The following AMMECR1 variants were observed in gnomAD, a reference collection of about 807,000 sequenced individuals.
AMMECR1 encodes the protein AMMECR nuclear protein 1, also known as nuclear protein AMMECR1.
AMMECR1 carries 3 observed loss-of-function variants against 22.5 expected under a neutral mutation model. The ratio of observed to expected loss-of-function variants is 0.13; its 90% CI spans 0.06 to 0.35. AMMECR1 has a LOEUF of 0.35. AMMECR1 is among the 10% of genes least tolerant of loss of function. The pLI, the probability that AMMECR1 is intolerant of heterozygous loss-of-function variation, is 1.00. For missense variants in AMMECR1, 235 were observed against 278.7 expected (o/e 0.84, Z 1.12); for synonymous variants, 130 against 116.7 (o/e 1.11, Z -0.74).
chrX:110,368,147 T>C (rs1223004467), intron 2 of AMMECR1, among the ~76,000 whole-genome samples: 1 of 109,890 alleles, frequency 9.1e-6, no homozygotes, highest in Non-Finnish European at 1.9e-5. Flanking sequence ...GGCCTAAAAG[T>C]ATATTTAGAA....
At chrX:110,381,555 A>G (rs1019223172) in intron 2 of AMMECR1, among the ~76,000 whole-genome samples, 9 of 112,154 alleles carry the variant, frequency 8.0e-5, no homozygotes, top group Non-Finnish European at 1.5e-4. Flanking sequence ...CATTTGATCC[A>G]GCAGTCCTCT....
At position 110,198,305 on chromosome X, in the gene AMMECR1, C is replaced by T. The variant is rs752104763; in HGVS notation, c.*215G>A. The T allele has an allele frequency of 1.9e-4, 49 of 263,745 alleles. No individual in the cohort carries two copies. Among genetic ancestry groups the T allele is most frequent in the Middle Eastern group, 1.1e-3 (1 of 944 alleles). 21.7% of individuals were successfully genotyped at this position (263,745 alleles called of 1,213,427 possible). ...ATTATATATGCTGCAAAAAAAAAAT[C>T]AACGATCTAAAATAATAAAACAGGA... On this transcript the variant is annotated 3_prime_UTR_variant, in exon 6 of 6. Transcript: ENST00000262844.
intron 1 of AMMECR1, among the ~76,000 whole-genome samples, chrX:110,308,830 T>C (rs1437314565): frequency 9.0e-6 from 1 of 111,123 alleles, no homozygotes; most frequent in East Asian, 2.8e-4. Context: ...TGAGAACACA[T>C]GAATTGTGTT....
chrX:110,344,110 T>C (rs374424185), intron 2 of AMMECR1, among the ~76,000 whole-genome samples: 1 of 111,926 alleles, frequency 8.9e-6, no homozygotes. Flanking sequence ...AAGGCTACAG[T>C]AACCAAAACA....
chrX:110,424,788 T>G lies in AMMECR1; in HGVS notation c.-148+1870A>C, dbSNP rs138762182. Among the ~76,000 whole-genome samples the G allele has an allele frequency of 9.3e-3, 1,046 of 111,914 alleles. 13 individuals carry two copies. Among genetic ancestry groups the G allele is most frequent in the African/African-American group, 0.032 (994 of 30,741 alleles). On this transcript the variant is annotated intron_variant, in intron 2 of 7. Transcript: ENST00000372057. Reference sequence around the variant, plus strand: ...CCTGGGTTAGTGGTGAGAACAAGGATCAAGAAGGCTCTGCCACCAAATAAC... The same window carrying G: ...CCTGGGTTAGTGGTGAGAACAAGGAGCAAGAAGGCTCTGCCACCAAATAAC...
At chrX:110,415,738 A>G (rs900944486) in intron 2 of AMMECR1, among the ~76,000 whole-genome samples, 2 of 111,480 alleles carry the variant, frequency 1.8e-5, no homozygotes, top group African/African-American at 6.5e-5. Context: ...TGGGCCGCAA[A>G]CAAAGATGGC....
intron 2 of AMMECR1, among the ~76,000 whole-genome samples, chrX:110,227,707 G>A (rs2067541033): frequency 8.9e-6 from 1 of 111,924 alleles, no homozygotes; most frequent in African/African-American, 3.2e-5. Context: ...GCATACGGCA[G>A]CTGCCTTCAC....
chrX:110,252,851 T>A (rs1373028110), intron 2 of AMMECR1, among the ~76,000 whole-genome samples: 4 of 112,453 alleles, frequency 3.6e-5, no homozygotes, highest in African/African-American at 1.3e-4. Context: ...ATTTACAGTA[T>A]GCCAGGTGGT....
At chrX:110,207,575 G>A (rs2067427883) in intron 3 of AMMECR1, among the ~76,000 whole-genome samples, 2 of 110,184 alleles carry the variant, frequency 1.8e-5, no homozygotes, top group African/African-American at 3.3e-5. Context: ...ATATTATCTC[G>A]ATCTGCCCAT....
intron 1 of AMMECR1, among the ~76,000 whole-genome samples, chrX:110,265,831 T>C (rs1379897089): frequency 8.9e-6 from 1 of 111,989 alleles, no homozygotes; most frequent in African/African-American, 3.2e-5. Flanking sequence ...CATCAGCAGA[T>C]AGATGAAAAG....
At chrX:110,249,515 T>C (rs772816215) in intron 2 of AMMECR1, among the ~76,000 whole-genome samples, 18 of 111,697 alleles carry the variant, frequency 1.6e-4, no homozygotes, top group African/African-American at 3.9e-4. Context: ...AGGTAACTTA[T>C]ATAAAATACC....
chrX:110,244,224 C>T (rs1331524400), intron 2 of AMMECR1, among the ~76,000 whole-genome samples: 1 of 111,730 alleles, frequency 9.0e-6, no homozygotes, highest in African/African-American at 3.3e-5. Flanking sequence ...TACCATCTTT[C>T]ATTTGGAATA....
intron 2 of AMMECR1, 108 bp from the exon 3 acceptor site, chrX:110,216,740 A>C (rs762452324): frequency 1.5e-5 from 7 of 476,429 alleles, no homozygotes; most frequent in Non-Finnish European, 2.5e-5. Flanking sequence ...AGAATCAGTA[A>C]GATGTCAAAG....
chrX:110,363,588 T>C (rs970428230), intron 2 of AMMECR1, among the ~76,000 whole-genome samples: 1 of 111,772 alleles, frequency 8.9e-6, no homozygotes, highest in African/African-American at 3.3e-5. Flanking sequence ...TACAAACAAG[T>C]TATTTGACCA....
chrX:110,236,980 C>T (rs187600330), intron 2 of AMMECR1, among the ~76,000 whole-genome samples: 1 of 111,472 alleles, frequency 9.0e-6, no homozygotes, highest in East Asian at 2.8e-4. Flanking sequence ...GATAAAGTTA[C>T]AGAATTGCTT....
rs757308257 is a variant in AMMECR1, at chrX:110,257,593, C to CT, written c.584+6895dup. Among the ~76,000 whole-genome samples, 855 of 111,920 alleles carry CT rather than the reference C, an allele frequency of 7.6e-3. 7 individuals are homozygous for CT. The highest frequency in any genetic ancestry group is 0.025 in the African/African-American group (760 of 30,872). Reference sequence around the variant, plus strand: ...TTACACGCATCCCTATAATTTTGACCTTTTTGGACCATGTAGGATAAAAAC... The same window carrying CT: ...TTACACGCATCCCTATAATTTTGACCTTTTTTGGACCATGTAGGATAAAAAC... On this transcript the variant is annotated intron_variant, in intron 2 of 5. Coordinates refer to ENST00000262844, the MANE Select transcript of AMMECR1 (RefSeq NM_015365.3).
At chrX:110,340,419 A>G (rs955022359) in intron 2 of AMMECR1, among the ~76,000 whole-genome samples, 4 of 112,124 alleles carry the variant, frequency 3.6e-5, no homozygotes, top group Admixed American at 2.8e-4. Flanking sequence ...TATGCAGGTG[A>G]AGAGGCACCA....
intron 1 of AMMECR1, among the ~76,000 whole-genome samples, chrX:110,430,460 G>A (rs2068788343): frequency 8.9e-6 from 1 of 112,262 alleles, no homozygotes; most frequent in Non-Finnish European, 1.9e-5. Flanking sequence ...CAGACAGGCT[G>A]AATAACTTGG....
intron 2 of AMMECR1, among the ~76,000 whole-genome samples, chrX:110,381,214 A>G (rs75236037): frequency 0.039 from 4,339 of 112,050 alleles, 207 homozygotes; most frequent in African/African-American, 0.13. Flanking sequence ...CAGCATCTAT[A>G]AGGAACTTAA....
Sources: gnomAD v4.1 joint callset for allele counts (sites outside exome capture counted in the v4.1 genomes callset) on GRCh38, gnomAD v4.1.1 for gene constraint, MANE v1.5 for transcripts, NCBI Gene and HGNC (gene_info 2026-07-23, HGNC 2026-07-21) for gene names.